Variants in MTG1 observed in about 807,000 individuals in gnomAD.
The protein encoded by MTG1 is mitochondrial ribosome-associated GTPase 1.
MTG1 carries 30 observed loss-of-function variants against 39.5 expected under a neutral mutation model. The observed-to-expected ratio is 0.76, with a 90% CI of 0.57 to 1.03. The LOEUF (loss-of-function observed/expected upper bound fraction) is 1.03, where lower values mean the gene tolerates loss of function less well. Ranked by LOEUF, MTG1 falls within the 50% of genes least tolerant of loss-of-function variation. MTG1 has a pLI of 0.00. For synonymous variants in MTG1, 217 were observed against 179.0 expected (o/e 1.21, Z -1.69); for missense variants, 513 against 447.4 (o/e 1.15, Z -1.32).
chr10:133,401,777 C>T, intron 7 of MTG1, 187 bp downstream of exon 7: 1 of 721,566 alleles, frequency 1.4e-6, no homozygotes, highest in Non-Finnish European at 2.5e-6. Flanking sequence ...AGTCTTTGCG[C>T]CAAACCTTTG....
chr10:133,397,154 C>G (rs940478470), intron 3 of MTG1, among the ~76,000 whole-genome samples: 10 of 152,250 alleles, frequency 6.6e-5, no homozygotes, highest in African/African-American at 1.9e-4. Flanking sequence ...CTGGCTCTGT[C>G]TTTTAGATAG....
intron 9 of MTG1, among the ~76,000 whole-genome samples, chr10:133,403,505 A>G (rs996116114): frequency 6.6e-6 from 1 of 152,232 alleles, no homozygotes; most frequent in Non-Finnish European, 1.5e-5. Flanking sequence ...TGGGTTTTCT[A>G]GAATTCCACG....
Position 133,398,524 on chromosome 10 carries a change from T to C in MTG1, c.363+9T>C, listed in dbSNP as rs898564880. 9 of 1,612,562 alleles carry C rather than the reference T, an allele frequency of 5.6e-6. No homozygotes were observed. The Admixed American group carries it at 1.0e-4, about 18-fold the overall frequency. On this transcript the variant is annotated intron_variant, in intron 4 of 10. Transcript: ENST00000317502. ...ATGAAAATGTCAAGCAGGTAGGCTT[T>C]TCGTCTGTGCTCTCTCTGACGCTTC...
At chr10:133,419,749 T>G (rs768832260) in intron 10 of MTG1, among the ~76,000 whole-genome samples, 157 bp downstream of exon 10, 2 of 152,102 alleles carry the variant, frequency 1.3e-5, no homozygotes, top group African/African-American at 2.4e-5. Flanking sequence ...TACAGAAAGT[T>G]CTGGAGAGGA....
chr10:133,417,078 T>A (rs867972801), intron 9 of MTG1, among the ~76,000 whole-genome samples: 18 of 151,840 alleles, frequency 1.2e-4, no homozygotes, highest in African/African-American at 4.1e-4. Flanking sequence ...GTTTCCTGAC[T>A]TTTTAATGAT....
chr10:133,417,610 A>G (rs1348275628), intron 9 of MTG1, among the ~76,000 whole-genome samples: 1 of 151,892 alleles, frequency 6.6e-6, no homozygotes, highest in South Asian at 2.1e-4. Context: ...AGATGACATG[A>G]TTGTATATCT....
chr10:133,418,885 G>C (rs1349912235), intron 9 of MTG1, among the ~76,000 whole-genome samples: 2 of 152,222 alleles, frequency 1.3e-5, no homozygotes, highest in Non-Finnish European at 2.9e-5. Flanking sequence ...CCCAGAGCCT[G>C]CACTGTGAGG....
At chr10:133,419,085 G>A (rs760825582) in intron 9 of MTG1, among the ~76,000 whole-genome samples, 6 of 152,224 alleles carry the variant, frequency 3.9e-5, no homozygotes, top group Non-Finnish European at 7.3e-5. Flanking sequence ...TTTGCAGATG[G>A]TCTGCTGTGC....
rs551560625 is a variant in MTG1, at chr10:133,395,060, G to GC, written c.113-651dup. Among the ~76,000 whole-genome samples the GC allele has an allele frequency of 1.3e-3, 192 of 152,280 alleles. 4 individuals are homozygous for GC. In the Middle Eastern group the frequency reaches 0.014, roughly 11 times the overall value. The stretch of plus-strand genomic sequence containing the variant: ...TCATCATCCCCGCGAGGTAGCAGGG[G>GC]CCTAATGAGCCAGTGTTACTCTGTG... On this transcript the variant is annotated intron_variant, in intron 1 of 10. Transcript: ENST00000317502.
Position 133,395,731 on chromosome 10 carries a change from G to A in MTG1, c.131G>A (p.Ser44Asn). 1 of 1,614,108 alleles carries A rather than the reference G, an allele frequency of 6.2e-7. No homozygotes were observed. Among genetic ancestry groups the A allele is most frequent in the Non-Finnish European group, 8.5e-7 (1 of 1,180,012 alleles). The change falls in exon 2 of 11, where the codon AGC (serine) becomes AAC (asparagine). Residue 44 changes from serine to asparagine, a missense_variant. Physicochemically the swap from Ser to Asn is conservative, Grantham distance 46. Transcript: ENST00000317502. ...TTTCCAGGGCTGAAGAAGATGCAGA[G>A]CAGCCTGAAGCTGGTGGACTGTATC... ...HMAKGLKKMQ[S>N]SLKLVDCIIE... is the part of the protein sequence containing the mutation.
chr10:133,397,496 T>A (rs1259694190), intron 3 of MTG1, among the ~76,000 whole-genome samples: 1 of 151,686 alleles, frequency 6.6e-6, no homozygotes, highest in Non-Finnish European at 1.5e-5. Flanking sequence ...TTTTTTTTTT[T>A]GAGGCAGAGT....
At position 133,402,737 on chromosome 10, in the gene MTG1, AC is replaced by A. The variant is rs766745445; in HGVS notation, c.718del (p.Leu240CysfsTer26). 6.2e-7 allele frequency: 1 copy of A among 1,608,344 alleles called. No individual in the cohort carries two copies. Among genetic ancestry groups the A allele is most frequent in the Non-Finnish European group, 8.5e-7 (1 of 1,177,738 alleles). On this transcript the variant is annotated frameshift_variant, in exon 9 of 11. Transcript: ENST00000317502. LOFTEE classifies it high-confidence loss of function. The surrounding 1 kb of genome is among the most constrained non-coding windows in gnomAD (Gnocchi z 4.7). ...HLVGEETMAD[Y>X]LLYTLNKHQR... The stretch of plus-strand genomic sequence containing the variant: ...GTCGGGGAGGAGACCATGGCTGACT[AC>A]CTGCTGTACACCCTCAACAAACACC...
rs1483441124 is a variant in MTG1 at position 133,402,622 on chromosome 10, A to C, written c.671-70A>C. The C allele has an allele frequency of 2.9e-6, 4 of 1,360,992 alleles. No homozygotes were observed. The highest frequency in any genetic ancestry group is 4.1e-6 in the Non-Finnish European group (4 of 978,558). 84.3% of individuals were successfully genotyped at this position (1,360,992 alleles called of 1,614,324 possible). On this transcript the variant is annotated intron_variant, in intron 8 of 10. Transcript: ENST00000317502. The surrounding 1 kb of genome is among the most constrained non-coding windows in gnomAD (Gnocchi z 4.7). ...TGTCTTTGGGCTAGGACTGGAAGGG[A>C]TGTGTTTGAACTTGGCAGGAACATA...
In MTG1 at chr10:133,402,005, G is replaced by A; in HGVS notation, c.574-144G>A. 1.2e-6 allele frequency: 1 copy of A among 836,602 alleles called. No individual in the cohort carries two copies. 51.8% of individuals were successfully genotyped at this position (836,602 alleles called of 1,614,324 possible). ...GATCCTCTGGGGAACCCTGGAGCTT[G>A]GTGAGAGTGACGCTGCCATGGGGTT... On this transcript the variant is annotated intron_variant, in intron 7 of 10. Transcript: ENST00000317502. The surrounding 1 kb of genome is among the most constrained non-coding windows in gnomAD (Gnocchi z 4.7).
rs200278114 is a variant in MTG1 at position 133,419,436 on chromosome 10, G to T, written c.753-44G>T. On this transcript the variant is annotated intron_variant, in intron 9 of 10. Coordinates refer to ENST00000317502, the MANE Select transcript of MTG1 (RefSeq NM_138384.4). ...GGCCCGGCCTGGCTGGCCGCGCGGT[G>T]TCAGTGCTGGGCCCCCTGGTGCTGA... 209 of 1,527,664 alleles carry T rather than the reference G, an allele frequency of 1.4e-4. No homozygotes were observed. In the African/African-American group the frequency reaches 2.7e-3, roughly 19 times the overall value. The allele number at this position is 1,527,664 out of a possible 1,614,324, so 94.6% of individuals were successfully genotyped here.
Position 133,394,210 on chromosome 10 carries a change from A to C in MTG1, c.-11A>C. The stretch of plus-strand genomic sequence containing the variant: ...GTCAGCTGCGGGAGCGTTTCCGGGG[A>C]CGGTGCCGCCATGAGATTGACCCCG... On this transcript the variant is annotated 5_prime_UTR_variant, in exon 1 of 11. Coordinates refer to ENST00000317502, the MANE Select transcript of MTG1 (RefSeq NM_138384.4). 1 of 1,509,640 alleles carries C rather than the reference A, an allele frequency of 6.6e-7. No homozygotes were observed. The highest frequency in any genetic ancestry group is 8.8e-7 in the Non-Finnish European group (1 of 1,133,284). The allele number at this position is 1,509,640 out of a possible 1,614,324, so 93.5% of individuals were successfully genotyped here.
rs1341815514 is a variant in MTG1 at position 133,399,453 on chromosome 10, T to TG, written c.421-75dup. 2.9e-5 allele frequency: 43 copies of TG among 1,471,888 alleles called. No homozygotes were observed. In the East Asian group the frequency reaches 9.8e-4, roughly 33 times the overall value. 91.2% of individuals were successfully genotyped at this position (1,471,888 alleles called of 1,614,324 possible). A position where few individuals can be genotyped will look rare whatever the true frequency, so the allele number is the denominator to read the frequency against. On this transcript the variant is annotated intron_variant, in intron 5 of 10. Transcript: ENST00000317502. The stretch of plus-strand genomic sequence containing the variant: ...GAGCTGACCTGGCCTGGGGTCCCCT[T>TG]GCCTGGGTGGGGTTGCAGAGTCTCA...
At chr10:133,416,014 G>T (rs1339395064) in intron 9 of MTG1, among the ~76,000 whole-genome samples, 1 of 137,012 alleles carries the variant, frequency 7.3e-6, no homozygotes, top group Non-Finnish European at 1.5e-5. Context: ...GCGGGTGTCG[G>T]GCACGTGGGT....
chr10:133,422,492 C>G lies in MTG1; in HGVS notation c.*2327C>G, dbSNP rs1330117410. 3 of 152,438 alleles carry G rather than the reference C, an allele frequency of 2.0e-5. No individual in the cohort carries two copies. In the East Asian group the frequency reaches 5.8e-4, roughly 29 times the overall value. 9.4% of individuals were successfully genotyped at this position (152,438 alleles called of 1,614,324 possible). On this transcript the variant is annotated 3_prime_UTR_variant, in exon 11 of 11. Transcript: ENST00000317502. Reference sequence around the variant, plus strand: ...TTGGTTTTTCCCCCCCAAAATGGGTCCTAAGGAGGGTAAAGTGACTTGTTT... The same window carrying G: ...TTGGTTTTTCCCCCCCAAAATGGGTGCTAAGGAGGGTAAAGTGACTTGTTT...
Sources: allele counts gnomAD v4.1 joint callset (sites outside exome capture counted in the v4.1 genomes callset), GRCh38; gene constraint gnomAD v4.1.1; non-coding constraint Gnocchi (gnomAD v3.1); transcripts MANE v1.5; gene names NCBI Gene and HGNC (gene_info 2026-07-23, HGNC 2026-07-21).